The following MIER3 variants were observed in gnomAD, a reference collection of about 807,000 sequenced individuals.
MIER3 encodes the protein MIER family member 3.
A neutral mutation model predicts 63.2 loss-of-function variants in MIER3; 9 were observed. The ratio of observed to expected loss-of-function variants is 0.14; its 90% confidence interval spans 0.09 to 0.25. MIER3 has a LOEUF of 0.25. MIER3 is among the 10% of genes least tolerant of loss of function. The pLI is 1.00. For missense variants in MIER3, 512 were observed against 666.2 expected (o/e 0.77, Z 2.55); for synonymous variants, 205 against 224.9 (o/e 0.91, Z 0.79).
At chr5:56,930,800 A>G in intron 8 of MIER3, 55 bp from the exon 9 acceptor site, 1 of 1,375,846 alleles carries the variant, frequency 7.3e-7, no homozygotes, top group Non-Finnish European at 1.0e-6. Context: ...CAGCATTTTA[A>G]AAAACAGGTG....
intron 3 of MIER3, 34 bp from the exon 4 acceptor site, chr5:56,939,051 A>G (rs756096518): frequency 1.2e-6 from 2 of 1,610,480 alleles, no homozygotes; most frequent in Admixed American, 3.3e-5. Flanking sequence ...CGGACTCAGC[A>G]GATGTCACAA....
rs1185098432 is a variant in MIER3 at position 56,922,370 on chromosome 5, CACAGA to C, written c.*753_*757del. ...AAACTGTAGCCAATAAATGAAGTTACACAGAAATCTCCTGGCAGTAACATGACCAA... is the reference window on the plus strand; with the variant it reads ...AAACTGTAGCCAATAAATGAAGTTACAATCTCCTGGCAGTAACATGACCAA... On this transcript the variant is annotated 3_prime_UTR_variant, in exon 13 of 13. Transcript: ENST00000381199. The C allele has an allele frequency of 6.6e-6, 1 of 152,516 alleles. No individual in the cohort carries two copies. Among genetic ancestry groups the C allele is most frequent in the Non-Finnish European group, 1.5e-5 (1 of 68,032 alleles). The allele number at this position is 152,516 out of a possible 1,614,324, so 9.4% of individuals were successfully genotyped here. A position where few individuals can be genotyped will look rare whatever the true frequency, so the allele number is the denominator to read the frequency against.
At chr5:56,924,886 A>G (rs1749885607) in intron 10 of MIER3, among the ~76,000 whole-genome samples, 1 of 152,214 alleles carries the variant, frequency 6.6e-6, no homozygotes, top group Non-Finnish European at 1.5e-5. Flanking sequence ...GATTACTAAT[A>G]TGGGAATAAG....
intron 3 of MIER3, among the ~76,000 whole-genome samples, chr5:56,940,541 G>A (rs569873488): frequency 6.6e-6 from 1 of 152,334 alleles, no homozygotes; most frequent in East Asian, 1.9e-4. Flanking sequence ...ACAGATTTAT[G>A]CTCAATGAAC....
intron 2 of MIER3, among the ~76,000 whole-genome samples, chr5:56,948,864 A>G (rs1750918710): frequency 6.6e-6 from 1 of 152,028 alleles, no homozygotes; most frequent in East Asian, 1.9e-4. Flanking sequence ...CTCTTCTATC[A>G]CTTGGCACAA....
chr5:56,926,356 C>T (rs1462625028), intron 10 of MIER3, among the ~76,000 whole-genome samples: 4 of 151,644 alleles, frequency 2.6e-5, no homozygotes, highest in Admixed American at 2.6e-4. Flanking sequence ...TAATAAAGGA[C>T]TAGAATCCAA....
intron 7 of MIER3, 112 bp downstream of exon 7, chr5:56,935,316 C>T: frequency 1.2e-6 from 1 of 813,856 alleles, no homozygotes; most frequent in South Asian, 2.2e-5. Context: ...CTGCATGTTT[C>T]CCAAATCTAT....
intron 3 of MIER3, 48 bp downstream of exon 3, chr5:56,946,878 G>T: frequency 7.7e-7 from 1 of 1,305,970 alleles, no homozygotes; most frequent in Non-Finnish European, 1.0e-6. Context: ...AATTACAACA[G>T]AATTTCAAAA....
chr5:56,932,933 A>T (rs1384969915), intron 8 of MIER3, among the ~76,000 whole-genome samples: 8 of 152,200 alleles, frequency 5.3e-5, no homozygotes, highest in African/African-American at 1.4e-4. Flanking sequence ...CTATACAGAC[A>T]TCAAGAATGA....
chr5:56,949,812 T>C (rs1393756431), intron 2 of MIER3, among the ~76,000 whole-genome samples: 1 of 152,178 alleles, frequency 6.6e-6, no homozygotes, highest in Non-Finnish European at 1.5e-5. Context: ...CAGAGGTGCT[T>C]TTCCTGTAGA....
chr5:56,931,921 G>C (rs1750281706), intron 8 of MIER3, among the ~76,000 whole-genome samples: 1 of 152,106 alleles, frequency 6.6e-6, no homozygotes. Context: ...ACACCTGAAA[G>C]AGTCAAGTAG....
rs1750339072 is a variant in MIER3 at position 56,933,394 on chromosome 5, A to G, written c.600T>C (p.Tyr200=). 6.2e-7 allele frequency: 1 copy of G among 1,604,018 alleles called. No homozygotes were observed. Among genetic ancestry groups the G allele is most frequent in the Admixed American group, 1.7e-5 (1 of 57,688 alleles). The change falls in exon 8 of 13, where the codon TAT becomes TAC. Residue 200 remains tyrosine, a synonymous_variant. Coordinates refer to ENST00000381199, the MANE Select transcript of MIER3 (RefSeq NM_001297599.2). ...ACCAAAGTAACTGGTCTTCGTTTTC[A>G]TATACTGATAAAGAAAATCCCATTA... The part of the protein sequence containing the change: ...LGEYDGNEKV[Y]ENEDQLLWCP...
chr5:56,943,887 C>A (rs78736364), intron 3 of MIER3, among the ~76,000 whole-genome samples: 2,200 of 152,184 alleles, frequency 0.014, 19 homozygotes, highest in Non-Finnish European at 0.024. Context: ...TTTTGTTGAA[C>A]CTATTTACAT....
At chr5:56,946,206 G>A (rs1026516009) in intron 3 of MIER3, among the ~76,000 whole-genome samples, 1 of 152,302 alleles carries the variant, frequency 6.6e-6, no homozygotes, top group Admixed American at 6.5e-5. Flanking sequence ...AAACTCAGGG[G>A]ATAAGTATCA....
Position 56,952,082 on chromosome 5 carries a change from T to G in MIER3, c.9+12A>C. The G allele has an allele frequency of 1.5e-6, 2 of 1,297,948 alleles. No homozygotes were observed. The highest frequency in any genetic ancestry group is 1.8e-5 in the South Asian group (1 of 56,728). 80.4% of individuals were successfully genotyped at this position (1,297,948 alleles called of 1,614,324 possible). On this transcript the variant is annotated intron_variant, in intron 1 of 12. Transcript: ENST00000381199. ...TCCAGCCCGGCTGCTCCTGCCCGGT[T>G]TCCCTGCTCACCTCCGCCATATTGG...
intron 3 of MIER3, among the ~76,000 whole-genome samples, chr5:56,939,925 C>T (rs1189111341): frequency 1.3e-5 from 2 of 152,224 alleles, no homozygotes; most frequent in African/African-American, 4.8e-5. Context: ...TCTAAGCATA[C>T]TCTATGATGT....
intron 3 of MIER3, among the ~76,000 whole-genome samples, chr5:56,941,847 AAGAGG>A (rs1750656819): frequency 6.6e-6 from 1 of 152,164 alleles, no homozygotes; most frequent in African/African-American, 2.4e-5. Context: ...ACTGATACAC[AAGAGG>A]AGAGAAGTGA....
intron 10 of MIER3, 40 bp from the exon 11 acceptor site, chr5:56,924,082 A>T (rs748391366): frequency 1.3e-6 from 2 of 1,585,402 alleles, no homozygotes; most frequent in Non-Finnish European, 1.7e-6. Flanking sequence ...CAACAAACTC[A>T]ACCATTTTTT....
intron 5 of MIER3, 110 bp from the exon 6 acceptor site, chr5:56,935,861 A>G: frequency 1.4e-6 from 1 of 737,190 alleles, no homozygotes; most frequent in Non-Finnish European, 2.3e-6. Context: ...CAGCATAAGT[A>G]TACTAAACCA....
Sources: allele counts gnomAD v4.1 joint callset (sites outside exome capture counted in the v4.1 genomes callset), GRCh38; gene constraint gnomAD v4.1.1; transcripts MANE v1.5; gene names NCBI Gene and HGNC (gene_info 2026-07-23, HGNC 2026-07-21).